FERMT3: variants seen among roughly 807,000 people sequenced by gnomAD.
FERMT3 encodes FERM domain containing kindlin 3.
A neutral mutation model predicts 80.8 loss-of-function variants in FERMT3; 33 were observed. That is an observed-to-expected ratio of 0.41 (90% confidence interval 0.31 to 0.55). The LOEUF (loss-of-function observed/expected upper bound fraction) is 0.55. Among genes scored for constraint, FERMT3 ranks in the 20% least tolerant of loss-of-function variants. The pLI is 0.31. For synonymous variants in FERMT3, 375 were observed against 372.2 expected, an observed-to-expected ratio of 1.01 and a Z score of -0.09; for missense variants, 754 against 908.7, an observed-to-expected ratio of 0.83 and a Z score of 2.19.
intron 2 of FERMT3, among the ~76,000 whole-genome samples, chr11:64,209,094 G>A (rs1038359070): frequency 7.2e-5 from 11 of 152,276 alleles, no homozygotes; most frequent in Admixed American, 1.3e-4. Context: ...GAGAAAGGGA[G>A]GATGCCTGGG....
At position 64,211,819 on chromosome 11, in the gene FERMT3, T is replaced by C; in HGVS notation, c.786+72T>C. ...GAGACCTAGGGCCTGGGGTATGGGC[T>C]CTGGGATGTTAGTGACTTGTAGTGG... On this transcript the variant is annotated intron_variant, in intron 6 of 14. Transcript: ENST00000345728. This position sits in a 1 kb window ranked among gnomAD's most constrained non-coding sequence, Gnocchi z 4.7. 2 of 1,435,960 alleles carry C rather than the reference T, an allele frequency of 1.4e-6. No homozygotes were observed. Among genetic ancestry groups the C allele is most frequent in the Non-Finnish European group, 2.0e-6 (2 of 1,020,608 alleles). The allele number at this position is 1,435,960 out of a possible 1,614,324, so 89.0% of individuals were successfully genotyped here. A position where few individuals can be genotyped will look rare whatever the true frequency, so the allele number is the denominator to read the frequency against.
chr11:64,207,187 A>T (rs1946329048), intron 1 of FERMT3, among the ~76,000 whole-genome samples, 164 bp from the exon 2 acceptor site: 1 of 152,052 alleles, frequency 6.6e-6, no homozygotes, highest in Non-Finnish European at 1.5e-5. Flanking sequence ...CGCTGGAGAG[A>T]GAGTCTGAGG....
At chr11:64,215,907 C>G (rs1946539825) in intron 6 of FERMT3, among the ~76,000 whole-genome samples, 1 of 151,726 alleles carries the variant, frequency 6.6e-6, no homozygotes, top group African/African-American at 2.4e-5. Context: ...TCTCGGCTTA[C>G]TGCAACCTCC....
rs750690989 is a variant in FERMT3 at position 64,211,084 on chromosome 11, C to G, written c.427C>G (p.Arg143Gly). The G allele has an allele frequency of 6.3e-7, 1 of 1,585,430 alleles. No homozygotes were observed. The highest frequency in any genetic ancestry group is 1.4e-5 in the African/African-American group (1 of 73,808). The change falls in exon 4 of 15, where the codon CGG becomes GGG. Residue 143 changes from arginine to glycine, a missense_variant. Physicochemically the swap from Arg to Gly is moderately radical, Grantham distance 125. Coordinates refer to ENST00000345728, the MANE Select transcript of FERMT3 (RefSeq NM_031471.6). This position sits in a 1 kb window ranked among gnomAD's most constrained non-coding sequence, Gnocchi z 4.7. ...GCACCCCGAGGAGCTGTCCCTGCTC[C>G]GGGCTCCTGAGAAGAAGGAGAAGAA... ...IRHPEELSLL[R>G]APEKKEKKKK...
intron 1 of FERMT3, among the ~76,000 whole-genome samples, 181 bp downstream of exon 1, chr11:64,206,995 G>T (rs150845555): frequency 1.6e-4 from 25 of 152,290 alleles, no homozygotes; most frequent in Non-Finnish European, 3.5e-4. Context: ...TCCTGGCCTG[G>T]GTACGAAGCC....
Position 64,210,571 on chromosome 11 carries a change from G to A in FERMT3, c.161-40G>A, listed in dbSNP as rs1159276524. On this transcript the variant is annotated intron_variant, in intron 2 of 14. Transcript: ENST00000345728. The surrounding 1 kb of genome is among the most constrained non-coding windows in gnomAD (Gnocchi z 4.3). ...TTGTGCTGGGTGTTGGGGGCACCAG[G>A]GAGGAAGGTTGGACCCAGATGTGCC... 2.5e-6 allele frequency: 4 copies of A among 1,588,138 alleles called. No homozygotes were observed. Among genetic ancestry groups the A allele is most frequent in the Admixed American group, 3.3e-5 (2 of 59,880 alleles).
Position 64,223,701 on chromosome 11 carries a change from G to C in FERMT3, c.*209G>C, listed in dbSNP as rs115527266. ...GCCAGGGATGGGGGTGGGGGTCCCT[G>C]AGCTCATGTGGTGCCCCCTTTCCTT... On this transcript the variant is annotated 3_prime_UTR_variant, in exon 15 of 15. Coordinates refer to ENST00000345728, the MANE Select transcript of FERMT3 (RefSeq NM_031471.6). 2.6e-6 allele frequency: 2 copies of C among 763,836 alleles called. No homozygotes were observed. Among genetic ancestry groups the C allele is most frequent in the African/African-American group, 3.5e-5 (2 of 57,260 alleles). The allele number at this position is 763,836 out of a possible 1,614,324, so 47.3% of individuals were successfully genotyped here. A position where few individuals can be genotyped will look rare whatever the true frequency, so the allele number is the denominator to read the frequency against.
intron 6 of FERMT3, among the ~76,000 whole-genome samples, chr11:64,218,000 CTTTTTTT>C (rs34718711): frequency 1.6e-4 from 19 of 119,492 alleles, no homozygotes; most frequent in Admixed American, 5.2e-4. Context: ...TTCCTTTTTC[CTTTTTTT>C]TTTTTTTTTT....
chr11:64,219,309 A>C lies in FERMT3; in HGVS notation c.845A>C (p.Glu282Ala). 1.2e-6 allele frequency: 2 copies of C among 1,609,612 alleles called. No homozygotes were observed. Among genetic ancestry groups the C allele is most frequent in the South Asian group, 2.2e-5 (2 of 90,344 alleles). Residue 282 changes from glutamate (E) to alanine (A), a missense_variant, in exon 7 of 15, where the codon GAG (glutamate) becomes GCG (alanine). By Grantham distance (107) the Glu-to-Ala change is moderately radical. Coordinates refer to ENST00000345728, the MANE Select transcript of FERMT3 (RefSeq NM_031471.6). The surrounding 1 kb of genome is among the most constrained non-coding windows in gnomAD (Gnocchi z 4.0). ...YEQARWDLLL[E>A]EIDCTEEEMM... ...CAGGCCCGGTGGGACCTGCTGCTGGAGGAGATTGACTGCACCGAGGAGGAG... is the reference window on the plus strand; with the variant it reads ...CAGGCCCGGTGGGACCTGCTGCTGGCGGAGATTGACTGCACCGAGGAGGAG...
intron 2 of FERMT3, 54 bp downstream of exon 2, chr11:64,207,578 G>T: frequency 1.3e-6 from 2 of 1,565,408 alleles, no homozygotes; most frequent in South Asian, 2.4e-5. Flanking sequence ...GCCGCCACGG[G>T]TGTCTCTGGG....
chr11:64,210,886 CAA>C lies in FERMT3; in HGVS notation c.394+44_394+45del, dbSNP rs770709402. ...ATTCCCCTGGCCCACGAGGGTGATG[CAA>C]AGAGGCAGGTTCCCCCGTTTCCAGG... On this transcript the variant is annotated intron_variant, in intron 3 of 14. Coordinates refer to ENST00000345728, the MANE Select transcript of FERMT3 (RefSeq NM_031471.6). This position sits in a 1 kb window ranked among gnomAD's most constrained non-coding sequence, Gnocchi z 4.3. 33 of 1,608,892 alleles carry C rather than the reference CAA, an allele frequency of 2.1e-5. No individual in the cohort carries two copies. The highest frequency in any genetic ancestry group is 2.7e-5 in the Non-Finnish European group (32 of 1,179,250).
Position 64,221,141 on chromosome 11 carries a change from G to T in FERMT3, c.1670+1G>T. The T allele has an allele frequency of 6.2e-7, 1 of 1,608,270 alleles. No homozygotes were observed. On this transcript the variant is annotated splice_donor_variant, in intron 13 of 14. Coordinates refer to ENST00000345728, the MANE Select transcript of FERMT3 (RefSeq NM_031471.6). LOFTEE classifies it high-confidence loss of function. Reference sequence around the variant, plus strand: ...TCGGCATCTCCTATGTCATGGTCAGGTATGGCCCCTGGCCCAGCCCCCTGC... The same window carrying T: ...TCGGCATCTCCTATGTCATGGTCAGTTATGGCCCCTGGCCCAGCCCCCTGC...
chr11:64,206,887 TCTCGCC>T (rs960286919), intron 1 of FERMT3, 73 bp downstream of exon 1: 1 of 161,432 alleles, frequency 6.2e-6, no homozygotes, highest in African/African-American at 2.4e-5. Flanking sequence ...CCAGCCTGCC[TCTCGCC>T]ATGCGGCAGC....
intron 6 of FERMT3, among the ~76,000 whole-genome samples, chr11:64,216,783 G>A (rs1432482103): frequency 3.1e-5 from 4 of 130,416 alleles, no homozygotes; most frequent in Non-Finnish European, 3.1e-5. Flanking sequence ...GTGACAGAGC[G>A]AGACTCCATC....
Position 64,211,205 on chromosome 11 carries a change from G to T in FERMT3, c.514+34G>T. 6.3e-7 allele frequency: 1 copy of T among 1,582,886 alleles called. No individual in the cohort carries two copies. The highest frequency in any genetic ancestry group is 2.3e-5 in the East Asian group (1 of 43,312). ...AAGTGGGGGTGGGCCTGGGGGGTTG[G>T]GGGCAGGGGCCGGCCCGTGAGTCCC... On this transcript the variant is annotated intron_variant, in intron 4 of 14. Transcript: ENST00000345728. This position sits in a 1 kb window ranked among gnomAD's most constrained non-coding sequence, Gnocchi z 4.7.
chr11:64,210,929 G>T lies in FERMT3; in HGVS notation c.394+85G>T. 2 of 1,606,400 alleles carry T rather than the reference G, an allele frequency of 1.2e-6. No homozygotes were observed. Among genetic ancestry groups the T allele is most frequent in the Middle Eastern group, 1.7e-4 (1 of 5,868 alleles). On this transcript the variant is annotated intron_variant, in intron 3 of 14. Transcript: ENST00000345728. The surrounding 1 kb of genome is among the most constrained non-coding windows in gnomAD (Gnocchi z 4.3). ...CGTTTCCAGGCCCAGCTCTGTTGAC[G>T]CTGTCCTTGCTGTCTGGGTTGCCAC... is the stretch of plus-strand genomic sequence containing the variant.
intron 6 of FERMT3, among the ~76,000 whole-genome samples, chr11:64,217,367 T>A (rs1189211368): frequency 6.6e-6 from 1 of 152,144 alleles, no homozygotes; most frequent in Non-Finnish European, 1.5e-5. Context: ...CTGATCAACA[T>A]GGAGAAAGCC....
chr11:64,208,626 G>A (rs1045905047), intron 2 of FERMT3, among the ~76,000 whole-genome samples: 4 of 152,220 alleles, frequency 2.6e-5, no homozygotes, highest in African/African-American at 9.6e-5. Context: ...CACAGAGGGC[G>A]CTATCATGGG....
chr11:64,211,659 C>T lies in FERMT3; in HGVS notation c.698C>T (p.Ser233Leu), dbSNP rs140948450. 2.2e-5 allele frequency: 35 copies of T among 1,613,976 alleles called. No individual in the cohort carries two copies. Among genetic ancestry groups the T allele is most frequent in the East Asian group, 6.7e-5 (3 of 44,896 alleles). Residue 233 changes from serine (S) to leucine (L), a missense_variant, in exon 6 of 15, where the codon TCG becomes TTG. Physicochemically the swap from Ser to Leu is moderately radical, Grantham distance 145. Coordinates refer to ENST00000345728, the MANE Select transcript of FERMT3 (RefSeq NM_031471.6). This position sits in a 1 kb window ranked among gnomAD's most constrained non-coding sequence, Gnocchi z 4.7. ...TQLHSRWLDS[S>L]RCLMQQGIKA... is the part of the protein sequence containing the mutation. ...CCGCGGCCCAGGTGGCTGGACTCGTCGCGGTGTCTCATGCAGCAGGGCATC... is the reference window on the plus strand; with the variant it reads ...CCGCGGCCCAGGTGGCTGGACTCGTTGCGGTGTCTCATGCAGCAGGGCATC...
Sources: allele counts gnomAD v4.1 joint callset (sites outside exome capture counted in the v4.1 genomes callset), GRCh38; gene constraint gnomAD v4.1.1; non-coding constraint Gnocchi (gnomAD v3.1); transcripts MANE v1.5; gene names NCBI Gene and HGNC (gene_info 2026-07-23, HGNC 2026-07-21).